Variants in LAMA3 observed in about 807,000 individuals in gnomAD.
The protein encoded by LAMA3 is laminin subunit alpha 3, also known as laminin subunit alpha-3.
A neutral mutation model predicts 402.0 loss-of-function variants in LAMA3; 281 were observed. The observed-to-expected ratio is 0.70, with a 90% confidence interval of 0.63 to 0.77. The LOEUF (loss-of-function observed/expected upper bound fraction) is 0.77. Among genes scored for constraint, LAMA3 ranks in the 30% least tolerant of loss-of-function variants. The pLI is 0.00. For missense variants in LAMA3, 3,840 were observed against 4,215.5 expected, an observed-to-expected ratio of 0.91 and a Z score of 2.47; for synonymous variants, 1,431 against 1,558.4, an observed-to-expected ratio of 0.92 and a Z score of 1.93.
chr18:23,837,042 G>A lies in LAMA3; in HGVS notation c.3046G>A (p.Ala1016Thr). Residue 1016 changes from alanine to threonine, a missense_variant, in exon 25 of 75, where the codon GCA becomes ACA. By Grantham distance (58) the Ala-to-Thr change is moderately conservative. This residue lies in a region of LAMA3 where 2,109 missense variants were observed against 2,376.0 expected (regional missense o/e 0.89). Coordinates refer to ENST00000313654, the MANE Select transcript of LAMA3 (RefSeq NM_198129.4). ...CCGCATCGCCATGTATGAGCTATTG[G>A]CAGATGCAGACATTCAGCTCAAGGG... is the stretch of plus-strand genomic sequence containing the variant. ...MSRIAMYELLADADIQLKGHM... is the reference protein window; with the variant it reads ...MSRIAMYELLTDADIQLKGHM... The A allele has an allele frequency of 3.7e-6, 6 of 1,614,030 alleles. No homozygotes were observed. Among genetic ancestry groups the A allele is most frequent in the Non-Finnish European group, 5.1e-6 (6 of 1,179,900 alleles).
intron 1 of LAMA3, among the ~76,000 whole-genome samples, chr18:23,694,134 T>A (rs113747329): frequency 2.6e-5 from 4 of 152,302 alleles, no homozygotes; most frequent in African/African-American, 9.6e-5. Flanking sequence ...TTTCTCAGTG[T>A]CAAAAACATA....
chr18:23,930,724 AAATAAT>A (rs535316372), intron 64 of LAMA3, among the ~76,000 whole-genome samples: 2 of 151,994 alleles, frequency 1.3e-5, no homozygotes, highest in Non-Finnish European at 1.5e-5. Flanking sequence ...ACTCTGTCTC[AAATAAT>A]AATAATAATA....
intron 32 of LAMA3, among the ~76,000 whole-genome samples, chr18:23,848,823 C>T (rs1172179946): frequency 2.6e-5 from 4 of 152,204 alleles, no homozygotes; most frequent in East Asian, 3.8e-4. Flanking sequence ...TGGTTTCTTC[C>T]GGAGGGTCTG....
chr18:23,861,340 A>T (rs950066932), intron 34 of LAMA3, among the ~76,000 whole-genome samples: 47 of 152,188 alleles, frequency 3.1e-4, no homozygotes, highest in Non-Finnish European at 4.3e-4. Flanking sequence ...GTTTTTATTC[A>T]TACACTTATT....
At chr18:23,789,588 C>G (rs1363445589) in intron 12 of LAMA3, among the ~76,000 whole-genome samples, 1 of 152,102 alleles carries the variant, frequency 6.6e-6, no homozygotes, top group Non-Finnish European at 1.5e-5. Context: ...TTGTGTGATT[C>G]ATTTATATGA....
At chr18:23,911,325 G>C (rs764775275) in intron 55 of LAMA3, among the ~76,000 whole-genome samples, 1 of 152,108 alleles carries the variant, frequency 6.6e-6, no homozygotes, top group African/African-American at 2.4e-5. Context: ...GCAGACTTGA[G>C]TTAAATCTCA....
chr18:23,922,733 G>T (rs2081883882), intron 62 of LAMA3, among the ~76,000 whole-genome samples: 1 of 152,224 alleles, frequency 6.6e-6, no homozygotes, highest in African/African-American at 2.4e-5. Context: ...CAGTAAGATT[G>T]ATTTTATTTC....
chr18:23,717,575 C>G, intron 2 of LAMA3, among the ~76,000 whole-genome samples: 1 of 96,302 alleles, frequency 1.0e-5, no homozygotes, highest in South Asian at 4.0e-4. Flanking sequence ...TTTTTTGAGA[C>G]AGAGTCTCAC....
At chr18:23,842,900 C>T (rs1382827734) in intron 29 of LAMA3, 150 bp downstream of exon 29, 4 of 975,352 alleles carry the variant, frequency 4.1e-6, no homozygotes, top group Admixed American at 4.1e-5. Flanking sequence ...TCTTTTACCC[C>T]CCAATAAATA....
intron 12 of LAMA3, among the ~76,000 whole-genome samples, chr18:23,796,867 G>A (rs1446061420): frequency 6.6e-6 from 1 of 152,010 alleles, no homozygotes; most frequent in African/African-American, 2.4e-5. Flanking sequence ...GAGTTGATTT[G>A]GACCTCTGCT....
intron 2 of LAMA3, among the ~76,000 whole-genome samples, chr18:23,724,692 A>G (rs2061268284): frequency 6.6e-6 from 1 of 152,268 alleles, no homozygotes; most frequent in African/African-American, 2.4e-5. Flanking sequence ...TGCAATTTCA[A>G]GCACACTTGG....
At chr18:23,922,821 T>C (rs771649850) in intron 62 of LAMA3, among the ~76,000 whole-genome samples, 9 of 152,226 alleles carry the variant, frequency 5.9e-5, no homozygotes, top group Non-Finnish European at 1.0e-4. Context: ...TTGCCACTTA[T>C]TCATTCATTA....
chr18:23,863,970 C>T (rs2064288415), intron 35 of LAMA3, among the ~76,000 whole-genome samples: 1 of 152,136 alleles, frequency 6.6e-6, no homozygotes, highest in South Asian at 2.1e-4. Context: ...GGCTACTGTA[C>T]ACAGCAGAAC....
At chr18:23,891,857 A>C (rs1419511103) in intron 42 of LAMA3, among the ~76,000 whole-genome samples, 1 of 152,184 alleles carries the variant, frequency 6.6e-6, no homozygotes, top group African/African-American at 2.4e-5. Flanking sequence ...TGCTCATGTA[A>C]GTCCTCACGT....
intron 39 of LAMA3, among the ~76,000 whole-genome samples, chr18:23,878,111 C>T (rs2064782047): frequency 6.6e-6 from 1 of 152,000 alleles, no homozygotes; most frequent in Non-Finnish European, 1.5e-5. Flanking sequence ...GTCTAAAAAA[C>T]AAAACAAAAC....
intron 18 of LAMA3, 119 bp downstream of exon 18, chr18:23,816,606 A>G: frequency 1.3e-6 from 1 of 797,794 alleles, no homozygotes; most frequent in Non-Finnish European, 2.1e-6. Flanking sequence ...GGTCAGGGGA[A>G]GCTGTCCTAT....
chr18:23,906,286 T>C (rs2081246736), intron 52 of LAMA3, among the ~76,000 whole-genome samples: 1 of 152,124 alleles, frequency 6.6e-6, no homozygotes, highest in South Asian at 2.1e-4. Context: ...GTCAAGATCA[T>C]TGGTTTGGGA....
At chr18:23,866,204 A>G (rs1283471391) in intron 36 of LAMA3, among the ~76,000 whole-genome samples, 1 of 152,220 alleles carries the variant, frequency 6.6e-6, no homozygotes, top group Non-Finnish European at 1.5e-5. Context: ...ATCACATCCT[A>G]CTTTGAATTC....
intron 51 of LAMA3, among the ~76,000 whole-genome samples, chr18:23,905,024 A>T (rs139956319): frequency 6.6e-6 from 1 of 152,112 alleles, no homozygotes; most frequent in East Asian, 1.9e-4. Flanking sequence ...AAACAACTTG[A>T]TCAGCATTTT....
Sources: allele counts gnomAD v4.1 joint callset (sites outside exome capture counted in the v4.1 genomes callset), GRCh38; gene constraint gnomAD v4.1.1; regional missense constraint gnomAD v4.1.1; transcripts MANE v1.5; gene names NCBI Gene and HGNC (gene_info 2026-07-23, HGNC 2026-07-21).